PLD5: variants seen among roughly 807,000 people sequenced by gnomAD.
PLD5 encodes phospholipase D family member 5, also known as inactive phospholipase D5.
In PLD5, 36 loss-of-function variants were observed where a neutral mutation model predicts 61.1. The observed-to-expected ratio is 0.59, with a 90% CI of 0.45 to 0.78. The LOEUF (loss-of-function observed/expected upper bound fraction) is 0.78, where lower values mean the gene tolerates loss of function less well. Ranked by LOEUF, PLD5 falls within the 30% of genes least tolerant of loss-of-function variation. The pLI is 0.00. For missense variants in PLD5, 515 were observed against 644.4 expected (o/e 0.80, Z 2.17); for synonymous variants, 243 against 242.8 (o/e 1.00, Z -0.01).
chr1:242,272,884 T>C (rs1231573173), intron 3 of PLD5, among the ~76,000 whole-genome samples: 4 of 152,144 alleles, frequency 2.6e-5, no homozygotes, highest in African/African-American at 9.7e-5. Context: ...AATCCAGAAA[T>C]GGTATGCACA....
intron 1 of PLD5, among the ~76,000 whole-genome samples, chr1:242,361,588 C>T (rs972723121): frequency 6.6e-6 from 1 of 152,118 alleles, no homozygotes; most frequent in Admixed American, 6.6e-5. Flanking sequence ...ATTTAAAATG[C>T]TATTACATAG....
At chr1:242,487,978 G>A (rs1046927482) in intron 1 of PLD5, among the ~76,000 whole-genome samples, 1 of 151,948 alleles carries the variant, frequency 6.6e-6, no homozygotes, top group African/African-American at 2.4e-5. Context: ...CTTAATAGTA[G>A]CTGTTTTTTA....
chr1:242,254,584 C>T (rs948573065), intron 4 of PLD5, among the ~76,000 whole-genome samples: 13 of 152,192 alleles, frequency 8.5e-5, no homozygotes, highest in African/African-American at 2.4e-4. Flanking sequence ...GCAGAAGAAT[C>T]GCTTGAAACT....
intron 9 of PLD5, among the ~76,000 whole-genome samples, chr1:242,096,419 G>A (rs150946981): frequency 1.6e-4 from 25 of 151,988 alleles, no homozygotes; most frequent in Middle Eastern, 3.4e-3. Context: ...TTGGTTCACC[G>A]CAACCTCTGC....
At chr1:242,527,389 G>C (rs7529303), upstream of PLD5, among the ~76,000 whole-genome samples, 25,503 of 152,010 alleles carry the variant, frequency 0.17, 2,396 homozygotes, top group African/African-American at 0.26. Context: ...GCCCGCCTCG[G>C]CCTCCCAAAG....
At chr1:242,246,133 TGA>T (rs1474609512) in intron 4 of PLD5, among the ~76,000 whole-genome samples, 1 of 152,032 alleles carries the variant, frequency 6.6e-6, no homozygotes, top group East Asian at 1.9e-4. Context: ...TTTGGGAGAC[TGA>T]GTCAGGAGGA....
chr1:242,246,650 T>C (rs936498288), intron 4 of PLD5, among the ~76,000 whole-genome samples: 7 of 152,234 alleles, frequency 4.6e-5, no homozygotes, highest in African/African-American at 1.7e-4. Context: ...TTTTGTAGAC[T>C]ACTGCTTTTC....
At chr1:242,177,766 C>T (rs140139224) in intron 5 of PLD5, 17 of 152,284 alleles carry the variant, frequency 1.1e-4, no homozygotes, top group African/African-American at 3.6e-4. Context: ...CAGGAACAAG[C>T]TAGCAAGGCC....
intron 1 of PLD5, among the ~76,000 whole-genome samples, chr1:242,419,049 A>C (rs1664982250): frequency 6.6e-6 from 1 of 152,244 alleles, no homozygotes; most frequent in Admixed American, 6.5e-5. Context: ...TAGCATGAAT[A>C]ATGCTTAGAA....
At chr1:242,161,015 C>CT (rs1006588145) in intron 5 of PLD5, among the ~76,000 whole-genome samples, 4 of 145,996 alleles carry the variant, frequency 2.7e-5, no homozygotes, top group African/African-American at 1.0e-4. Context: ...CTTATATTAT[C>CT]TTTTTTTATC....
At chr1:242,426,398 C>T (rs1014041117) in intron 1 of PLD5, among the ~76,000 whole-genome samples, 54 of 150,900 alleles carry the variant, frequency 3.6e-4, no homozygotes, top group African/African-American at 1.3e-3. Context: ...AAAGCAGCAA[C>T]ATCACCATTT....
chr1:242,102,702 A>G (rs925586478), intron 8 of PLD5, among the ~76,000 whole-genome samples: 1 of 152,056 alleles, frequency 6.6e-6, no homozygotes, highest in Non-Finnish European at 1.5e-5. Flanking sequence ...TCCAATCCTC[A>G]CTTTTCTTGT....
At chr1:242,196,402 G>T (rs1271400707) in intron 5 of PLD5, among the ~76,000 whole-genome samples, 1 of 152,080 alleles carries the variant, frequency 6.6e-6, no homozygotes, top group Non-Finnish European at 1.5e-5. Context: ...GCTCGGATCG[G>T]CATTACTGTG....
intron 1 of PLD5, among the ~76,000 whole-genome samples, chr1:242,511,402 G>A (rs1384712932): frequency 6.6e-6 from 1 of 152,194 alleles, no homozygotes; most frequent in Non-Finnish European, 1.5e-5. Context: ...AAATTAGAGT[G>A]TAGAGAGGGA....
intron 4 of PLD5, among the ~76,000 whole-genome samples, chr1:242,261,941 T>C (rs1673397349): frequency 6.6e-6 from 1 of 152,174 alleles, no homozygotes; most frequent in Admixed American, 6.5e-5. Flanking sequence ...CGAACACATA[T>C]ATAGCCTATT....
At position 242,089,801 on chromosome 1, in the gene PLD5, C is replaced by A. The variant is rs111588346; in HGVS notation, c.*53G>T. On this transcript the variant is annotated 3_prime_UTR_variant, in exon 10 of 10. Coordinates refer to ENST00000536534, the MANE Select transcript of PLD5 (RefSeq NM_001372062.1). ...TAAAGTGTTTTTTCTCTCCTCAAGT[C>A]CTTTATGTATAAATATGAAATACAG... The A allele has an allele frequency of 3.1e-6, 5 of 1,602,580 alleles. No homozygotes were observed. The South Asian group carries it at 4.4e-5, about 14-fold the overall frequency.
At chr1:242,485,009 GC>G (rs1360593090) in intron 1 of PLD5, among the ~76,000 whole-genome samples, 2 of 152,062 alleles carry the variant, frequency 1.3e-5, no homozygotes, top group South Asian at 2.1e-4. Flanking sequence ...AAATTCAACA[GC>G]CCTTCATGCT....
chr1:242,506,353 G>T (rs1312543807), intron 1 of PLD5, among the ~76,000 whole-genome samples: 2 of 152,154 alleles, frequency 1.3e-5, no homozygotes. Flanking sequence ...CTTTACTAAG[G>T]CATCCACGTT....
chr1:242,099,601 G>A (rs1388122547), intron 9 of PLD5, among the ~76,000 whole-genome samples: 2 of 152,150 alleles, frequency 1.3e-5, no homozygotes, highest in Admixed American at 6.5e-5. Flanking sequence ...TGCCAGACCC[G>A]GCTCCTTCCC....
Sources: gnomAD v4.1 joint callset for allele counts (sites outside exome capture counted in the v4.1 genomes callset) on GRCh38, gnomAD v4.1.1 for gene constraint, MANE v1.5 for transcripts, NCBI Gene and HGNC (gene_info 2026-07-23, HGNC 2026-07-21) for gene names.